Variants in MACROH2A2 observed in about 807,000 individuals in gnomAD.
MACROH2A2 encodes the protein core histone macro-H2A.2.
MACROH2A2 carries 6 observed loss-of-function variants against 37.6 expected under a neutral mutation model. The observed-to-expected ratio is 0.16, with a 90% confidence interval of 0.09 to 0.32. The LOEUF (loss-of-function observed/expected upper bound fraction) is 0.32, where lower values mean the gene tolerates loss of function less well. Ranked by LOEUF, MACROH2A2 falls within the 10% of genes least tolerant of loss-of-function variation. The probability of loss-of-function intolerance (pLI) is 1.00; values close to 1 mark genes in which losing one functional copy is unlikely to be tolerated. For synonymous variants in MACROH2A2, 192 were observed against 202.7 expected (o/e 0.95, Z 0.45); for missense variants, 290 against 485.9 (o/e 0.60, Z 3.79).
At chr10:70,067,941 G>A (rs780433543) in intron 1 of MACROH2A2, among the ~76,000 whole-genome samples, 1 of 152,172 alleles carries the variant, frequency 6.6e-6, no homozygotes, top group Non-Finnish European at 1.5e-5. Context: ...GATAGAGACT[G>A]TCTAAAAATG....
chr10:70,065,023 T>TA (rs1248463929), intron 1 of MACROH2A2, among the ~76,000 whole-genome samples: 1 of 138,184 alleles, frequency 7.2e-6, no homozygotes, highest in Non-Finnish European at 1.6e-5. Context: ...TCCTTCATTC[T>TA]TTTTTTTTTT....
intron 1 of MACROH2A2, among the ~76,000 whole-genome samples, chr10:70,072,901 G>A (rs1382000172): frequency 6.6e-6 from 1 of 152,160 alleles, no homozygotes; most frequent in African/African-American, 2.4e-5. Context: ...AAGTTGCAAT[G>A]AGCCGAGATT....
chr10:70,077,765 T>C (rs1384121341), intron 2 of MACROH2A2, among the ~76,000 whole-genome samples: 1 of 152,206 alleles, frequency 6.6e-6, no homozygotes, highest in African/African-American at 2.4e-5. Context: ...TTCCTAGATA[T>C]ACTCTCAAAG....
intron 4 of MACROH2A2, among the ~76,000 whole-genome samples, chr10:70,092,659 C>T (rs1321860085): frequency 2.0e-5 from 3 of 152,120 alleles, no homozygotes; most frequent in Non-Finnish European, 4.4e-5. Context: ...GAATAAAGGG[C>T]CTTTGAGGTT....
At chr10:70,093,106 C>T (rs1478267357) in intron 4 of MACROH2A2, among the ~76,000 whole-genome samples, 2 of 151,998 alleles carry the variant, frequency 1.3e-5, no homozygotes, top group African/African-American at 4.8e-5. Flanking sequence ...AACTCCTGGG[C>T]TCAAGCGACC....
At chr10:70,109,355 C>T in intron 8 of MACROH2A2, 148 bp downstream of exon 8, 1 of 686,090 alleles carries the variant, frequency 1.5e-6, no homozygotes, top group Non-Finnish European at 2.5e-6. Flanking sequence ...ACCCGGTTTT[C>T]ATCCTTCAGA....
chr10:70,057,135 C>T lies in MACROH2A2; in HGVS notation c.-60+4135C>T, dbSNP rs144595631. On this transcript the variant is annotated intron_variant, in intron 1 of 8. Transcript: ENST00000373255. Reference sequence around the variant, plus strand: ...AAGGCTGGTTTCATTTATTCAAACACTAGTTGAAGGAATATTTATTGAATA... The same window carrying T: ...AAGGCTGGTTTCATTTATTCAAACATTAGTTGAAGGAATATTTATTGAATA... 5.6e-3 allele frequency among the ~76,000 whole-genome samples: 849 copies of T among 152,262 alleles called. 7 individuals are homozygous for T. Among genetic ancestry groups the T allele is most frequent in the African/African-American group, 0.019 (808 of 41,544 alleles).
chr10:70,106,875 A>G (rs1337309691), intron 7 of MACROH2A2, among the ~76,000 whole-genome samples: 2 of 152,142 alleles, frequency 1.3e-5, no homozygotes, highest in Non-Finnish European at 2.9e-5. Flanking sequence ...ATACTTTTAA[A>G]ATATATGAAA....
At chr10:70,104,502 C>T (rs1486097979) in intron 7 of MACROH2A2, among the ~76,000 whole-genome samples, 1 of 152,062 alleles carries the variant, frequency 6.6e-6, no homozygotes, top group Non-Finnish European at 1.5e-5. Flanking sequence ...CATGGAGAAA[C>T]CCTGTCTAGT....
At chr10:70,092,491 A>G (rs1219399728) in intron 4 of MACROH2A2, among the ~76,000 whole-genome samples, 1 of 152,230 alleles carries the variant, frequency 6.6e-6, no homozygotes, top group Non-Finnish European at 1.5e-5. Flanking sequence ...GCCAGTCTAT[A>G]GCATTTTGTT....
At chr10:70,088,013 T>C (rs1224134512) in intron 2 of MACROH2A2, among the ~76,000 whole-genome samples, 1 of 152,240 alleles carries the variant, frequency 6.6e-6, no homozygotes, top group African/African-American at 2.4e-5. Context: ...TTATTTGAAA[T>C]TAGATTGATT....
chr10:70,078,053 C>T (rs1050788435), intron 2 of MACROH2A2, among the ~76,000 whole-genome samples: 5 of 152,228 alleles, frequency 3.3e-5, no homozygotes, highest in Admixed American at 2.6e-4. Flanking sequence ...TAACTAAGTA[C>T]TTCCTGTGCC....
intron 2 of MACROH2A2, among the ~76,000 whole-genome samples, chr10:70,082,766 A>C (rs1217373609): frequency 6.6e-6 from 1 of 152,202 alleles, no homozygotes; most frequent in Non-Finnish European, 1.5e-5. Flanking sequence ...AGGTGAATTC[A>C]TACAGACAGA....
intron 1 of MACROH2A2, among the ~76,000 whole-genome samples, chr10:70,064,964 T>C (rs1282928263): frequency 2.6e-5 from 4 of 152,222 alleles, no homozygotes; most frequent in East Asian, 3.9e-4. Flanking sequence ...CAACCAATGG[T>C]TGAAGAATTC....
chr10:70,085,672 C>T lies in MACROH2A2; in HGVS notation c.173-4388C>T, dbSNP rs545569033. Among the ~76,000 whole-genome samples, 643 of 152,288 alleles carry T rather than the reference C, an allele frequency of 4.2e-3. 1 individual carries two copies. Among genetic ancestry groups the T allele is most frequent in the Non-Finnish European group, 7.3e-3 (496 of 68,028 alleles). On this transcript the variant is annotated intron_variant, in intron 2 of 8. Coordinates refer to ENST00000373255, the MANE Select transcript of MACROH2A2 (RefSeq NM_018649.3). ...CTTTTGGCTAAAGAAATTCTTTTTACTGCTAGATACTCAGCTGTATTCCAG... is the reference window on the plus strand; with the variant it reads ...CTTTTGGCTAAAGAAATTCTTTTTATTGCTAGATACTCAGCTGTATTCCAG...
In MACROH2A2 at chr10:70,075,886, G is replaced by A. The variant is rs533972055; in HGVS notation, c.172+56G>A. On this transcript the variant is annotated intron_variant, in intron 2 of 8. Coordinates refer to ENST00000373255, the MANE Select transcript of MACROH2A2 (RefSeq NM_018649.3). The surrounding 1 kb of genome is among the most constrained non-coding windows in gnomAD (Gnocchi z 5.0). ...CTCCCAGGTCCCCACCCTCCCCTGG[G>A]TCCCCCTCGCAGGCTGGGGAGGGAT... The A allele has an allele frequency of 6.4e-5, 95 of 1,477,138 alleles. No individual in the cohort carries two copies. The South Asian group carries it at 1.0e-3, about 15-fold the overall frequency. The allele number at this position is 1,477,138 out of a possible 1,614,324, so 91.5% of individuals were successfully genotyped here.
rs1400190951 is a variant in MACROH2A2 at position 70,053,501 on chromosome 10, C to T, written c.-60+501C>T. Reference sequence around the variant, plus strand: ...CTCTGAAGGTGCCCGGGCAGGGCGCCGGCGGCTCCAGGCTGACAATGGAGG... The same window carrying T: ...CTCTGAAGGTGCCCGGGCAGGGCGCTGGCGGCTCCAGGCTGACAATGGAGG... On this transcript the variant is annotated intron_variant, in intron 1 of 8. Transcript: ENST00000373255. The surrounding 1 kb of genome is among the most constrained non-coding windows in gnomAD (Gnocchi z 4.8). Among the ~76,000 whole-genome samples, 7 of 151,702 alleles carry T rather than the reference C, an allele frequency of 4.6e-5. No homozygotes were observed. Among genetic ancestry groups the T allele is most frequent in the Admixed American group, 4.6e-4 (7 of 15,242 alleles).
chr10:70,060,240 G>A (rs1014406928), intron 1 of MACROH2A2, among the ~76,000 whole-genome samples: 3 of 151,906 alleles, frequency 2.0e-5, no homozygotes, highest in African/African-American at 7.3e-5. Flanking sequence ...CACAGTGGTG[G>A]GCGCCTATAA....
At chr10:70,092,528 G>A (rs1266034899) in intron 4 of MACROH2A2, among the ~76,000 whole-genome samples, 1 of 152,296 alleles carries the variant, frequency 6.6e-6, no homozygotes, top group Middle Eastern at 3.4e-3. Flanking sequence ...ACACTAAGAC[G>A]CTCACAGAAC....
Sources: allele counts gnomAD v4.1 joint callset (sites outside exome capture counted in the v4.1 genomes callset), GRCh38; gene constraint gnomAD v4.1.1; non-coding constraint Gnocchi (gnomAD v3.1); transcripts MANE v1.5; gene names NCBI Gene and HGNC (gene_info 2026-07-23, HGNC 2026-07-21).